PHKB: variants seen among roughly 807,000 people sequenced by gnomAD.
PHKB encodes phosphorylase b kinase regulatory subunit beta.
Under a neutral mutation model 152.1 loss-of-function variants are expected in PHKB, and 122 were observed. The ratio of observed to expected loss-of-function variants is 0.80; its 90% CI spans 0.69 to 0.93. The LOEUF (loss-of-function observed/expected upper bound fraction) is 0.93. Ranked by LOEUF, PHKB falls within the 40% of genes least tolerant of loss-of-function variation. The pLI is 0.00. For synonymous variants in PHKB, 436 were observed against 464.9 expected, an observed-to-expected ratio of 0.94 and a Z score of 0.80; for missense variants, 1,304 against 1,328.4, an observed-to-expected ratio of 0.98 and a Z score of 0.29.
At chr16:47,597,044 A>G (rs1445217461) in intron 13 of PHKB, among the ~76,000 whole-genome samples, 5 of 152,172 alleles carry the variant, frequency 3.3e-5, no homozygotes, top group Non-Finnish European at 1.5e-5. Context: ...CTTGAACTGA[A>G]TCATAGCACT....
At chr16:47,493,600 C>A (rs1223133486) in intron 1 of PHKB, among the ~76,000 whole-genome samples, 1 of 152,062 alleles carries the variant, frequency 6.6e-6, no homozygotes, top group African/African-American at 2.4e-5. Flanking sequence ...GGTGGGTCAC[C>A]CTTTAAGGAC....
At chr16:47,464,808 C>G (rs764693850) in intron 1 of PHKB, among the ~76,000 whole-genome samples, 2 of 152,158 alleles carry the variant, frequency 1.3e-5, no homozygotes, top group African/African-American at 2.4e-5. Context: ...CCATTTAAAA[C>G]CTATTATGTA....
rs746773793 is a variant in PHKB at position 47,673,747 on chromosome 16, T to C, written c.2630+4330T>C. Among the ~76,000 whole-genome samples the C allele has an allele frequency of 2.5e-4, 38 of 152,292 alleles. 1 individual carries two copies. The highest frequency in any genetic ancestry group is 5.9e-4 in the Admixed American group (9 of 15,292). On this transcript the variant is annotated intron_variant, in intron 26 of 30. Transcript: ENST00000323584. Reference sequence around the variant, plus strand: ...TCACTATAGCCACAAATATTATTCATTGAATATCTGTTATATGCTAAGCAA... The same window carrying C: ...TCACTATAGCCACAAATATTATTCACTGAATATCTGTTATATGCTAAGCAA...
rs1970912097 is a variant in PHKB at position 47,534,173 on chromosome 16, G to A, written c.595-13260G>A. Reference sequence around the variant, plus strand: ...GGTGTACCTACCTGCTGCAGCTGGCGTGATAACAGCAGCCACTCCAGATGG... The same window carrying A: ...GGTGTACCTACCTGCTGCAGCTGGCATGATAACAGCAGCCACTCCAGATGG... On this transcript the variant is annotated intron_variant, in intron 6 of 30. Coordinates refer to ENST00000323584, the MANE Select transcript of PHKB (RefSeq NM_000293.3). 2.6e-5 allele frequency among the ~76,000 whole-genome samples: 4 copies of A among 152,208 alleles called. No homozygotes were observed. In the South Asian group the frequency reaches 8.3e-4, roughly 32 times the overall value.
intron 7 of PHKB, among the ~76,000 whole-genome samples, chr16:47,554,325 A>G (rs1211239129): frequency 6.6e-6 from 1 of 152,106 alleles, no homozygotes; most frequent in African/African-American, 2.4e-5. Context: ...GTGAGGGGAA[A>G]ACTACCTACT....
intron 14 of PHKB, among the ~76,000 whole-genome samples, chr16:47,637,424 C>A (rs1156956127): frequency 6.6e-6 from 1 of 152,142 alleles, no homozygotes; most frequent in Non-Finnish European, 1.5e-5. Flanking sequence ...AAGCTGAGCA[C>A]AGCCTACAGG....
At chr16:47,464,288 A>G in intron 1 of PHKB, 1 of 400,910 alleles carries the variant, frequency 2.5e-6, no homozygotes. Context: ...CACATAGCAT[A>G]TTTCTTAAAT....
chr16:47,569,453 A>G (rs1971621636), intron 7 of PHKB, among the ~76,000 whole-genome samples: 1 of 152,128 alleles, frequency 6.6e-6, no homozygotes, highest in Non-Finnish European at 1.5e-5. Context: ...TGTTTTTTAA[A>G]ATCCATTCTG....
At chr16:47,536,328 G>T (rs1970951729) in intron 6 of PHKB, among the ~76,000 whole-genome samples, 1 of 152,184 alleles carries the variant, frequency 6.6e-6, no homozygotes, top group Non-Finnish European at 1.5e-5. Flanking sequence ...TGGGATTACA[G>T]GCGTGAGCCA....
At chr16:47,653,190 G>C (rs993307252) in intron 20 of PHKB, among the ~76,000 whole-genome samples, 1 of 152,104 alleles carries the variant, frequency 6.6e-6, no homozygotes, top group Non-Finnish European at 1.5e-5. Context: ...CATAAACTTT[G>C]TTTCCATGTC....
intron 1 of PHKB, chr16:47,464,209 A>T (rs1306771023): frequency 3.5e-6 from 2 of 563,774 alleles, no homozygotes; most frequent in East Asian, 3.0e-5. Flanking sequence ...CAGAGAGTGG[A>T]GTGCCTGCCC....
intron 26 of PHKB, among the ~76,000 whole-genome samples, chr16:47,674,260 G>A (rs1163118426): frequency 2.0e-5 from 3 of 151,866 alleles, no homozygotes; most frequent in Non-Finnish European, 2.9e-5. Context: ...TTAACAGACC[G>A]AATAAATGAG....
chr16:47,651,926 G>T (rs1293906777), intron 20 of PHKB, among the ~76,000 whole-genome samples: 1 of 151,908 alleles, frequency 6.6e-6, no homozygotes, highest in Non-Finnish European at 1.5e-5. Context: ...ATTGAGTTTT[G>T]CATGTTGGCT....
At chr16:47,490,066 A>C (rs1450266939) in intron 1 of PHKB, among the ~76,000 whole-genome samples, 1 of 152,164 alleles carries the variant, frequency 6.6e-6, no homozygotes, top group Non-Finnish European at 1.5e-5. Flanking sequence ...AGGATCAGCA[A>C]TATTTCAAGC....
intron 1 of PHKB, 97 bp from the exon 2 acceptor site, chr16:47,497,302 G>A: frequency 5.3e-6 from 4 of 756,238 alleles, no homozygotes; most frequent in Non-Finnish European, 9.1e-6. Flanking sequence ...AATAATGGAA[G>A]TTAGATTAAG....
rs573871869 is a variant in PHKB, at chr16:47,690,127, A to AC, written c.2765+957dup. 8.0e-4 allele frequency among the ~76,000 whole-genome samples: 122 copies of AC among 152,260 alleles called. 2 individuals carry two copies. The highest frequency in any genetic ancestry group is 7.9e-3 in the Admixed American group (120 of 15,278). ...AACAGTATAGAAAGTCCAGAAATAGACCCCCAAGTATATGTGGAAATTTAA... is the reference window on the plus strand; with the variant it reads ...AACAGTATAGAAAGTCCAGAAATAGACCCCCCAAGTATATGTGGAAATTTAA... On this transcript the variant is annotated intron_variant, in intron 27 of 30. Coordinates refer to ENST00000323584, the MANE Select transcript of PHKB (RefSeq NM_000293.3).
chr16:47,619,490 A>G (rs1333245588), intron 14 of PHKB: 1 of 152,170 alleles, frequency 6.6e-6, no homozygotes, highest in Non-Finnish European at 1.5e-5. Context: ...CTTCCCTGTT[A>G]TGCTAGGATG....
At chr16:47,678,822 GT>G (rs1371329266) in intron 26 of PHKB, among the ~76,000 whole-genome samples, 3 of 152,112 alleles carry the variant, frequency 2.0e-5, no homozygotes, top group Non-Finnish European at 4.4e-5. Flanking sequence ...TGCTTTTGGT[GT>G]TTTAGACATG....
chr16:47,587,273 T>G (rs932835162), intron 8 of PHKB, among the ~76,000 whole-genome samples: 2 of 152,236 alleles, frequency 1.3e-5, no homozygotes, highest in Non-Finnish European at 2.9e-5. Context: ...TTTGTTTAGT[T>G]TGATCATATA....
Sources: allele counts gnomAD v4.1 joint callset (sites outside exome capture counted in the v4.1 genomes callset), GRCh38; gene constraint gnomAD v4.1.1; transcripts MANE v1.5; gene names NCBI Gene and HGNC (gene_info 2026-07-23, HGNC 2026-07-21).